TPRG1: variants seen among roughly 807,000 people sequenced by gnomAD.
TPRG1 encodes the protein tumor protein p63 regulated 1, also known as tumor protein p63-regulated gene 1 protein.
Under a neutral mutation model 29.3 loss-of-function variants are expected in TPRG1, and 29 were observed. The observed-to-expected ratio is 0.99, with a 90% confidence interval of 0.74 to 1.35. The LOEUF is 1.35. Ranked by LOEUF, TPRG1 falls within the 40% of genes most tolerant of loss-of-function variation. TPRG1 has a pLI of 0.00. For synonymous variants in TPRG1, 130 were observed against 116.8 expected, an observed-to-expected ratio of 1.11 and a Z score of -0.73; for missense variants, 327 against 335.0, an observed-to-expected ratio of 0.98 and a Z score of 0.19.
intron 4 of TPRG1, among the ~76,000 whole-genome samples, chr3:189,081,008 T>C (rs898125162): frequency 6.6e-6 from 1 of 152,052 alleles, no homozygotes; most frequent in African/African-American, 2.4e-5. Flanking sequence ...TGGCAGCAGG[T>C]GTAGAGATGA....
intron 5 of TPRG1, among the ~76,000 whole-genome samples, chr3:189,320,382 A>G (rs1724176416): frequency 6.6e-6 from 1 of 152,150 alleles, no homozygotes; most frequent in African/African-American, 2.4e-5. Flanking sequence ...TGAAAAAATT[A>G]CATATTATTT....
intron 4 of TPRG1, among the ~76,000 whole-genome samples, chr3:189,028,500 G>A (rs1430988631): frequency 3.3e-5 from 5 of 151,682 alleles, no homozygotes; most frequent in Admixed American, 6.6e-5. Context: ...TAGGATCGTG[G>A]TTCTGTCATA....
At chr3:189,116,730 G>A (rs138427421) in intron 1 of TPRG1, among the ~76,000 whole-genome samples, 30 of 152,274 alleles carry the variant, frequency 2.0e-4, no homozygotes, top group Non-Finnish European at 3.5e-4. Flanking sequence ...GGTACATGAA[G>A]TAGTCATATT....
At chr3:189,239,475 G>T (rs1740157776) in intron 4 of TPRG1, among the ~76,000 whole-genome samples, 1 of 152,146 alleles carries the variant, frequency 6.6e-6, no homozygotes, top group African/African-American at 2.4e-5. Context: ...TTTAGTATGA[G>T]GACGTGACAA....
chr3:189,260,168 G>A (rs759608476), intron 4 of TPRG1, among the ~76,000 whole-genome samples: 51 of 152,216 alleles, frequency 3.4e-4, no homozygotes, highest in Non-Finnish European at 4.7e-4. Flanking sequence ...AGGAGGGGAG[G>A]GTTGGATAAT....
At chr3:189,182,922 CACTT>C (rs1730422930) in intron 1 of TPRG1, among the ~76,000 whole-genome samples, 1 of 152,152 alleles carries the variant, frequency 6.6e-6, no homozygotes, top group African/African-American at 2.4e-5. Flanking sequence ...CCCATCACCT[CACTT>C]AGTTATAATT....
chr3:189,019,006 G>T, intron 3 of TPRG1, among the ~76,000 whole-genome samples: 1 of 152,156 alleles, frequency 6.6e-6, no homozygotes, highest in Non-Finnish European at 1.5e-5. Flanking sequence ...GTGAATGGGA[G>T]TTCACTCATA....
chr3:189,185,612 G>C (rs1294192971), intron 1 of TPRG1, among the ~76,000 whole-genome samples: 1 of 128,642 alleles, frequency 7.8e-6, no homozygotes, highest in Non-Finnish European at 1.7e-5. Context: ...AAGAACACTA[G>C]AAAATGTAGA....
At chr3:189,250,829 G>A (rs1001578350) in intron 4 of TPRG1, among the ~76,000 whole-genome samples, 3 of 150,470 alleles carry the variant, frequency 2.0e-5, no homozygotes, top group Non-Finnish European at 4.4e-5. Flanking sequence ...GTTTTCAAGT[G>A]TCTTTACCTC....
chr3:189,280,652 A>C (rs145144578), intron 4 of TPRG1, among the ~76,000 whole-genome samples: 66 of 152,282 alleles, frequency 4.3e-4, no homozygotes, highest in African/African-American at 1.5e-3. Context: ...GGTGATTGCC[A>C]TAACAGAAAG....
At chr3:189,171,688 C>T (rs1349163450), upstream of TPRG1, among the ~76,000 whole-genome samples, 3 of 152,120 alleles carry the variant, frequency 2.0e-5, no homozygotes, top group Non-Finnish European at 4.4e-5. Context: ...GTGTAGGCCT[C>T]AGGCTTAAGC....
At chr3:189,216,813 C>T (rs900594448) in intron 3 of TPRG1, among the ~76,000 whole-genome samples, 5 of 152,188 alleles carry the variant, frequency 3.3e-5, no homozygotes, top group Admixed American at 6.5e-5. Context: ...ATTTCCCACC[C>T]CCACTTCCCA....
At chr3:188,998,372 G>C (rs1711894551) in intron 1 of TPRG1, among the ~76,000 whole-genome samples, 1 of 152,196 alleles carries the variant, frequency 6.6e-6, no homozygotes, top group Non-Finnish European at 1.5e-5. Context: ...CCCCAAATGG[G>C]AGACAGCTGG....
chr3:189,287,810 T>A (rs1718324158), intron 4 of TPRG1, among the ~76,000 whole-genome samples: 1 of 152,190 alleles, frequency 6.6e-6, no homozygotes, highest in Non-Finnish European at 1.5e-5. Flanking sequence ...TCAGCAAAAC[T>A]CAAATGTGTT....
rs984078094 is a variant in TPRG1, at chr3:189,124,560, A to G, written c.-743-2497A>G. Among the ~76,000 whole-genome samples, 602 of 129,142 alleles carry G rather than the reference A, an allele frequency of 4.7e-3. 2 individuals are homozygous for G. Among genetic ancestry groups the G allele is most frequent in the African/African-American group, 0.019 (561 of 29,362 alleles). The allele number at this position is 129,142 out of a possible 152,430, so 84.7% of individuals were successfully genotyped here. On this transcript the variant is annotated intron_variant, in intron 1 of 6. Coordinates refer to the TPRG1 transcript ENST00000412373. ...GGACTTTGTGTGTGTGTGTGTGTAT[A>G]TATATATACACACACACACATACGT... is the stretch of plus-strand genomic sequence containing the variant.
intron 4 of TPRG1, among the ~76,000 whole-genome samples, chr3:189,286,909 G>A (rs1181112779): frequency 6.6e-6 from 1 of 151,988 alleles, no homozygotes; most frequent in African/African-American, 2.4e-5. Flanking sequence ...TCCTTCTAAC[G>A]AACTCCTCTT....
chr3:189,315,615 T>C (rs1179155996), intron 5 of TPRG1: 1 of 395,406 alleles, frequency 2.5e-6, no homozygotes, highest in Non-Finnish European at 5.1e-6. Flanking sequence ...ACTCTTTTCT[T>C]GTATTTCTAT....
chr3:188,997,792 C>A (rs1265626560), intron 1 of TPRG1, among the ~76,000 whole-genome samples: 1 of 152,154 alleles, frequency 6.6e-6, no homozygotes, highest in African/African-American at 2.4e-5. Context: ...TCCTATATAT[C>A]TTTATGACTA....
At chr3:189,258,477 G>A (rs1712328382) in intron 4 of TPRG1, among the ~76,000 whole-genome samples, 1 of 152,110 alleles carries the variant, frequency 6.6e-6, no homozygotes, top group Non-Finnish European at 1.5e-5. Flanking sequence ...GGAGGCATGG[G>A]GGTCAGGGAC....
Sources: gnomAD v4.1 joint callset for allele counts (sites outside exome capture counted in the v4.1 genomes callset) on GRCh38, gnomAD v4.1.1 for gene constraint, MANE v1.5 for transcripts, NCBI Gene and HGNC (gene_info 2026-07-23, HGNC 2026-07-21) for gene names.